Variants in FREM1 observed in about 807,000 individuals in gnomAD.
FREM1 encodes the protein FRAS1 related extracellular matrix 1, also known as FRAS1-related extracellular matrix protein 1.
A neutral mutation model predicts 210.1 loss-of-function variants in FREM1; 220 were observed. That is an observed-to-expected ratio of 1.05 (90% confidence interval 0.94 to 1.17). The LOEUF (loss-of-function observed/expected upper bound fraction) is 1.17, where lower values mean the gene tolerates loss of function less well. Among genes scored for constraint, FREM1 ranks in the 50% most tolerant of loss-of-function variants. The probability of loss-of-function intolerance (pLI) is 0.00; values close to 1 mark genes in which losing one functional copy is unlikely to be tolerated. For synonymous variants in FREM1, 1,189 were observed against 980.2 expected (o/e 1.21, Z -3.98); for missense variants, 3,454 against 2,675.5 (o/e 1.29, Z -6.42).
At position 14,776,196 on chromosome 9, in the gene FREM1, T is replaced by G; in HGVS notation, c.4450A>C (p.Ile1484Leu). Reference sequence around the variant, plus strand: ...TGCTCGGTCCGCAGTCCATTGCTGATGATGAATCTGGTAAAGAGAGGCAAG... The same window carrying G: ...TGCTCGGTCCGCAGTCCATTGCTGAGGATGAATCTGGTAAAGAGAGGCAAG... ...TVSSDRFRFI[I>L]SNGLRTEHGV... The change falls in exon 25 of 37, where the codon ATC becomes CTC. Residue 1484 changes from isoleucine (I) to leucine (L), a missense_variant. Coordinates refer to ENST00000380880, the MANE Select transcript of FREM1 (RefSeq NM_001379081.2). 1.3e-6 allele frequency: 2 copies of G among 1,519,414 alleles called. No individual in the cohort carries two copies. Among genetic ancestry groups the G allele is most frequent in the Non-Finnish European group, 1.8e-6 (2 of 1,134,436 alleles). 94.1% of individuals were successfully genotyped at this position (1,519,414 alleles called of 1,614,324 possible).
At chr9:14,746,604 A>G (rs769498729) in intron 34 of FREM1, 136 bp from the exon 35 acceptor site, 249 of 675,140 alleles carry the variant, frequency 3.7e-4, no homozygotes, top group Middle Eastern at 1.6e-3. Flanking sequence ...CCTAATCCCA[A>G]TTCTCCATCT....
chr9:14,892,897 A>T (rs1003901886), intron 1 of FREM1, among the ~76,000 whole-genome samples: 1 of 151,950 alleles, frequency 6.6e-6, no homozygotes, highest in Non-Finnish European at 1.5e-5. Flanking sequence ...TTGCCCAGAG[A>T]CCACGAGTTG....
intron 20 of FREM1, among the ~76,000 whole-genome samples, chr9:14,799,053 A>C (rs1319288250): frequency 6.6e-6 from 1 of 152,134 alleles, no homozygotes. Context: ...CGAGTGCAGG[A>C]AAATCACTTG....
Position 14,813,070 on chromosome 9 carries a change from C to T in FREM1, c.2641-6G>A. 1 of 1,587,530 alleles carries T rather than the reference C, an allele frequency of 6.3e-7. No homozygotes were observed. The highest frequency in any genetic ancestry group is 2.3e-5 in the East Asian group (1 of 44,324). On this transcript the variant is annotated splice_region_variant and splice_polypyrimidine_tract_variant and intron_variant, in intron 15 of 36. Coordinates refer to ENST00000380880, the MANE Select transcript of FREM1 (RefSeq NM_001379081.2). Reference sequence around the variant, plus strand: ...TCATCGTTGACAGGGAATACCTAGGCAATGGAAAAAATGCATGTTTTCAGA... The same window carrying T: ...TCATCGTTGACAGGGAATACCTAGGTAATGGAAAAAATGCATGTTTTCAGA...
intron 1 of FREM1, among the ~76,000 whole-genome samples, chr9:14,876,299 G>C (rs957647425): frequency 2.0e-5 from 3 of 152,172 alleles, no homozygotes; most frequent in Admixed American, 6.5e-5. Context: ...TACAGAGGCA[G>C]GCAGGTCTCC....
intron 32 of FREM1, 98 bp from the exon 33 acceptor site, chr9:14,747,526 G>T: frequency 4.0e-6 from 5 of 1,265,224 alleles, no homozygotes; most frequent in Non-Finnish European, 5.5e-6. Context: ...AAAGCAAAAA[G>T]ATAAGAGGAT....
intron 3 of FREM1, among the ~76,000 whole-genome samples, chr9:14,860,638 CATGTATACATATATACACATATAT>C (rs1829750861): frequency 7.9e-6 from 1 of 125,806 alleles, no homozygotes; most frequent in Non-Finnish European, 1.6e-5. Flanking sequence ...CATATATACA[CATGTATACATATATACACATATAT>C]ACATATATAC....
At position 14,807,944 on chromosome 9, in the gene FREM1, T is replaced by C. The variant is rs1818687011; in HGVS notation, c.3084A>G (p.Ala1028=). The C allele has an allele frequency of 1.2e-6, 2 of 1,609,770 alleles. No individual in the cohort carries two copies. Among genetic ancestry groups the C allele is most frequent in the South Asian group, 2.2e-5 (2 of 90,740 alleles). ...AACAAAAAAACACATTGTCACCTAT[T>C]GCAATGGAAGGTGGCTGGTTGTCTA... ...YPVDNQPPSI[A]IGPVFVVDEG... is the part of the protein sequence containing the mutation. Residue 1028 remains alanine (A), a synonymous_variant, in exon 17 of 37, where the codon GCA becomes GCG. Coordinates refer to ENST00000380880, the MANE Select transcript of FREM1 (RefSeq NM_001379081.2).
intron 16 of FREM1, among the ~76,000 whole-genome samples, chr9:14,810,446 T>C (rs12238508): frequency 0.14 from 20,929 of 152,034 alleles, 1,483 homozygotes; most frequent in Non-Finnish European, 0.16. Context: ...TTAATCATAG[T>C]GTTATTAAAA....
intron 30 of FREM1, 126 bp downstream of exon 30, chr9:14,750,001 G>A: frequency 2.1e-6 from 2 of 956,170 alleles, no homozygotes; most frequent in Non-Finnish European, 3.3e-6. Flanking sequence ...TCACGACTGA[G>A]GGTGCTTTCT....
At chr9:14,742,415 T>C (rs1225006506) in intron 35 of FREM1, among the ~76,000 whole-genome samples, 1 of 152,154 alleles carries the variant, frequency 6.6e-6, no homozygotes, top group Admixed American at 6.6e-5. Flanking sequence ...AATGAGCAGA[T>C]GAGATTACAA....
At position 14,823,299 on chromosome 9, in the gene FREM1, T is replaced by C. The variant is rs1384685135; in HGVS notation, c.2198A>G (p.Tyr733Cys). The C allele has an allele frequency of 2.5e-6, 4 of 1,613,924 alleles. No individual in the cohort carries two copies. Among genetic ancestry groups the C allele is most frequent in the South Asian group, 1.1e-5 (1 of 91,074 alleles). ...QHAVNYMKVA[Y>C]MPPMQDIGPH... ...ACCAATGTCTTGCATGGGGGGCATG[T>C]AGGCCACTTTCATATAGTTCACAGC... Residue 733 changes from tyrosine (Y) to cysteine (C), a missense_variant, in exon 13 of 37, where the codon TAC (tyrosine) becomes TGC (cysteine). Tyr to Cys is a radical substitution (Grantham distance 194). Coordinates refer to ENST00000380880, the MANE Select transcript of FREM1 (RefSeq NM_001379081.2).
chr9:14,901,339 C>G (rs1449379114), intron 1 of FREM1, among the ~76,000 whole-genome samples: 1 of 152,066 alleles, frequency 6.6e-6, no homozygotes, highest in East Asian at 1.9e-4. Flanking sequence ...AAGTGTAATT[C>G]CCCTCTGTGT....
At chr9:14,805,736 T>C (rs190296597) in intron 18 of FREM1, among the ~76,000 whole-genome samples, 419 of 152,370 alleles carry the variant, frequency 2.7e-3, no homozygotes, top group African/African-American at 9.5e-3. Context: ...ATATTCAGTC[T>C]CTTTCATATT....
At chr9:14,896,871 A>G (rs777678599) in intron 1 of FREM1, among the ~76,000 whole-genome samples, 22 of 152,204 alleles carry the variant, frequency 1.4e-4, no homozygotes, top group Non-Finnish European at 2.5e-4. Context: ...GACATTCAGA[A>G]AACTATTCAG....
chr9:14,881,108 G>A (rs58241195), intron 1 of FREM1, among the ~76,000 whole-genome samples: 7,390 of 152,272 alleles, frequency 0.049, 570 homozygotes, highest in African/African-American at 0.16. Context: ...CTTGGCAGAG[G>A]CAGGCATATG....
At chr9:14,773,605 A>T (rs1426269501) in intron 25 of FREM1, among the ~76,000 whole-genome samples, 24 of 143,560 alleles carry the variant, frequency 1.7e-4, no homozygotes, top group Non-Finnish European at 1.8e-4. Context: ...ACACGTAATG[A>T]TTTTTTTTTT....
intron 1 of FREM1, among the ~76,000 whole-genome samples, chr9:14,874,982 C>T (rs947147649): frequency 6.6e-6 from 1 of 152,066 alleles, no homozygotes; most frequent in African/African-American, 2.4e-5. Context: ...CTTTAAGAAT[C>T]TTGAATATTG....
At position 14,861,028 on chromosome 9, in the gene FREM1, T is replaced by TAA. The variant is rs1453090583; in HGVS notation, c.330-1545_330-1544insTT. The stretch of plus-strand genomic sequence containing the variant: ...ACATATATACATATATACACATATA[T>TAA]ACATATATACATATATACATATATA... On this transcript the variant is annotated intron_variant, in intron 3 of 36. Transcript: ENST00000380880. Among the ~76,000 whole-genome samples, 14 of 64,116 alleles carry TAA rather than the reference T, an allele frequency of 2.2e-4. 1 individual carries two copies. Among genetic ancestry groups the TAA allele is most frequent in the African/African-American group, 8.7e-4 (12 of 13,762 alleles). The allele number at this position is 64,116 out of a possible 152,430, so 42.1% of individuals were successfully genotyped here. A position where few individuals can be genotyped will look rare whatever the true frequency, so the allele number is the denominator to read the frequency against.
Sources: gnomAD v4.1 joint callset for allele counts (sites outside exome capture counted in the v4.1 genomes callset) on GRCh38, gnomAD v4.1.1 for gene constraint, MANE v1.5 for transcripts, NCBI Gene and HGNC (gene_info 2026-07-23, HGNC 2026-07-21) for gene names.